Variants in COL4A5 observed in about 807,000 individuals in gnomAD.
The protein encoded by COL4A5 is collagen alpha-5(IV) chain.
Under a neutral mutation model 130.2 loss-of-function variants are expected in COL4A5, and 26 were observed. The ratio of observed to expected loss-of-function variants is 0.20; its 90% CI spans 0.15 to 0.28. COL4A5 has a LOEUF of 0.28. Among genes scored for constraint, COL4A5 ranks in the 10% least tolerant of loss-of-function variants. The pLI, the probability that COL4A5 is intolerant of heterozygous loss-of-function variation, is 1.00. For missense variants in COL4A5, 1,131 were observed against 1,344.3 expected (o/e 0.84, Z 2.48); for synonymous variants, 496 against 439.6 (o/e 1.13, Z -1.60).
intron 49 of COL4A5, among the ~76,000 whole-genome samples, chrX:108,691,219 A>G (rs1217422212): frequency 9.0e-6 from 1 of 110,920 alleles, no homozygotes; most frequent in Admixed American, 9.7e-5. Context: ...ACAAACATAC[A>G]GTAAGATAGA....
chrX:108,674,812 G>A, intron 43 of COL4A5, 59 bp downstream of exon 43: 1 of 1,095,179 alleles, frequency 9.1e-7, no homozygotes, highest in Non-Finnish European at 1.2e-6. Context: ...TTGTGTGTGT[G>A]ATAAGAGAAA....
At chrX:108,631,126 T>A (rs2067249829) in intron 36 of COL4A5, among the ~76,000 whole-genome samples, 1 of 111,932 alleles carries the variant, frequency 8.9e-6, no homozygotes, top group African/African-American at 3.3e-5. Context: ...TAGGATTATC[T>A]TGACAATGTG....
In COL4A5 at chrX:108,686,097, G is replaced by A. The variant is rs2068539626; in HGVS notation, c.4283G>A (p.Arg1428His). The change falls in exon 48 of 53, where the codon CGC becomes CAC. Residue 1428 changes from arginine (R) to histidine (H), a missense_variant. Transcript: ENST00000328300. Reference protein sequence around the residue: ...GLPGFDGAGGRKGDPGLPGQP... With the variant: ...GLPGFDGAGGHKGDPGLPGQP... ...CCTGGCTTTGATGGTGCAGGAGGGC[G>A]CAAAGGAGACCCAGGTCTGCCAGGA... is the stretch of plus-strand genomic sequence containing the variant. The A allele has an allele frequency of 2.5e-6, 3 of 1,210,455 alleles. No individual in the cohort carries two copies. Among genetic ancestry groups the A allele is most frequent in the Non-Finnish European group, 3.4e-6 (3 of 894,753 alleles).
intron 50 of COL4A5, chrX:108,693,778 A>T (rs2068678137): frequency 9.0e-6 from 1 of 111,040 alleles, no homozygotes. Context: ...AGCATGAGTA[A>T]CTAAGAGGAG....
intron 1 of COL4A5, among the ~76,000 whole-genome samples, chrX:108,473,404 G>GC (rs1435096329): frequency 9.4e-6 from 1 of 106,874 alleles, no homozygotes; most frequent in African/African-American, 3.4e-5. Flanking sequence ...GCATGTTATT[G>GC]CCCCCAAAGA....
rs539750782 is a variant in COL4A5, at chrX:108,496,535, G to C, written c.82-43211G>C. Among the ~76,000 whole-genome samples the C allele has an allele frequency of 2.7e-5, 3 of 111,320 alleles. No homozygotes were observed. In the South Asian group the frequency reaches 1.1e-3, roughly 42 times the overall value. On this transcript the variant is annotated intron_variant, in intron 1 of 52. Coordinates refer to ENST00000328300, the MANE Select transcript of COL4A5 (RefSeq NM_033380.3). ...TTTGAGAAGAATGTGCATTCTGGCT[G>C]GATGGAATATTCTATATCAAATTGG...
chrX:108,696,138 A>G (rs1202888347), intron 52 of COL4A5, 159 bp from the exon 53 acceptor site: 1 of 490,541 alleles, frequency 2.0e-6, no homozygotes, highest in East Asian at 3.7e-5. Context: ...CTTAAACCAT[A>G]CTAGTCACTG....
intron 1 of COL4A5, among the ~76,000 whole-genome samples, chrX:108,489,722 C>T (rs1332408293): frequency 1.8e-5 from 2 of 111,342 alleles, no homozygotes; most frequent in South Asian, 3.7e-4. Context: ...CATCAGAGTC[C>T]TGCTTTAATT....
At chrX:108,635,647 C>G (rs1365611052) in intron 36 of COL4A5, among the ~76,000 whole-genome samples, 2 of 111,806 alleles carry the variant, frequency 1.8e-5, no homozygotes, top group Admixed American at 9.5e-5. Context: ...GGAGGACTCA[C>G]TCTTCTGGAT....
rs770207891 is a variant in COL4A5, at chrX:108,591,660, A to T, written c.1423+16A>T. On this transcript the variant is annotated intron_variant, in intron 21 of 52. Coordinates refer to ENST00000328300, the MANE Select transcript of COL4A5 (RefSeq NM_033380.3). The stretch of plus-strand genomic sequence containing the variant: ...GGAGTGAAAGGTTTGATCTCCAAAC[A>T]TATTCATTCCTTCATTTTCTTCATT... 8.9e-6 allele frequency: 10 copies of T among 1,121,690 alleles called. No individual in the cohort carries two copies. The African/African-American group carries it at 1.8e-4, about 20-fold the overall frequency. 92.4% of individuals were successfully genotyped at this position (1,121,690 alleles called of 1,213,427 possible).
chrX:108,479,576 A>G (rs1299240166), intron 1 of COL4A5, among the ~76,000 whole-genome samples: 1 of 111,815 alleles, frequency 8.9e-6, no homozygotes, highest in Non-Finnish European at 1.9e-5. Flanking sequence ...TGATCATAGG[A>G]AACTCCCCAT....
chrX:108,594,500 T>G (rs1239810226), intron 21 of COL4A5, among the ~76,000 whole-genome samples: 1 of 111,296 alleles, frequency 9.0e-6, no homozygotes, highest in Non-Finnish European at 1.9e-5. Flanking sequence ...TAGATTCTCA[T>G]TTCACTCACA....
intron 19 of COL4A5, among the ~76,000 whole-genome samples, chrX:108,589,554 A>G (rs183893512): frequency 3.6e-5 from 4 of 111,823 alleles, no homozygotes; most frequent in African/African-American, 1.3e-4. Context: ...TCTAAAGCAA[A>G]GTGACAGATA....
intron 33 of COL4A5, among the ~76,000 whole-genome samples, 196 bp downstream of exon 33, chrX:108,623,021 A>G (rs188004385): frequency 8.9e-6 from 1 of 112,344 alleles, no homozygotes; most frequent in Admixed American, 9.4e-5. Context: ...TATTTTCTTT[A>G]TAGTTTACCT....
chrX:108,683,008 T>C (rs1221433503), intron 47 of COL4A5, among the ~76,000 whole-genome samples: 3 of 112,310 alleles, frequency 2.7e-5, no homozygotes, highest in Non-Finnish European at 5.6e-5. Flanking sequence ...GGTTTTCTTC[T>C]AGGATTTTTA....
chrX:108,574,831 A>G (rs937331348), intron 9 of COL4A5, among the ~76,000 whole-genome samples: 2 of 111,184 alleles, frequency 1.8e-5, no homozygotes, highest in African/African-American at 6.6e-5. Context: ...ACTCTTGCCC[A>G]GACCGGAGTG....
intron 2 of COL4A5, among the ~76,000 whole-genome samples, chrX:108,544,505 G>A (rs1170270373): frequency 3.6e-5 from 4 of 111,849 alleles, no homozygotes; most frequent in Non-Finnish European, 5.6e-5. Flanking sequence ...CTTGGATTCA[G>A]TTTGCCAGTA....
chrX:108,478,658 A>G (rs2064859859), intron 1 of COL4A5, among the ~76,000 whole-genome samples: 1 of 111,877 alleles, frequency 8.9e-6, no homozygotes, highest in Non-Finnish European at 1.9e-5. Context: ...GAATTCCATG[A>G]CCATGAGCCC....
At chrX:108,613,005 G>C (rs936494302) in intron 29 of COL4A5, among the ~76,000 whole-genome samples, 4 of 111,690 alleles carry the variant, frequency 3.6e-5, no homozygotes, top group Non-Finnish European at 7.6e-5. Context: ...TCAACAGAAA[G>C]GTAAGTCTTT....
Sources: allele counts gnomAD v4.1 joint callset (sites outside exome capture counted in the v4.1 genomes callset), GRCh38; gene constraint gnomAD v4.1.1; transcripts MANE v1.5; gene names NCBI Gene and HGNC (gene_info 2026-07-23, HGNC 2026-07-21).